Variants in RNLS observed in about 807,000 individuals in gnomAD.
RNLS encodes renalase.
A neutral mutation model predicts 39.8 loss-of-function variants in RNLS; 39 were observed. The ratio of observed to expected loss-of-function variants is 0.98; its 90% CI spans 0.76 to 1.28. The LOEUF (loss-of-function observed/expected upper bound fraction) is 1.28, where lower values mean the gene tolerates loss of function less well. Among genes scored for constraint, RNLS ranks in the 50% most tolerant of loss-of-function variants. RNLS has a pLI of 0.00. For synonymous variants in RNLS, 147 were observed against 150.7 expected, an observed-to-expected ratio of 0.98 and a Z score of 0.18; for missense variants, 410 against 413.3, an observed-to-expected ratio of 0.99 and a Z score of 0.07.
At chr10:88,482,395 C>T (rs1844239172) in intron 4 of RNLS, among the ~76,000 whole-genome samples, 1 of 152,130 alleles carries the variant, frequency 6.6e-6, no homozygotes, top group Admixed American at 6.6e-5. Context: ...CTCAAGTTAA[C>T]TGATTCTCTC....
At chr10:88,504,827 T>TAG (rs542424482) in intron 4 of RNLS, among the ~76,000 whole-genome samples, 5 of 138,448 alleles carry the variant, frequency 3.6e-5, no homozygotes, top group Non-Finnish European at 7.7e-5. Flanking sequence ...TGGAGCAAAT[T>TAG]AGAGAGAGAG....
At chr10:88,434,483 T>C (rs1028591018) in intron 4 of RNLS, among the ~76,000 whole-genome samples, 3 of 152,176 alleles carry the variant, frequency 2.0e-5, no homozygotes, top group Non-Finnish European at 4.4e-5. Flanking sequence ...TGTTAATTAT[T>C]TGATGCATGT....
intron 4 of RNLS, among the ~76,000 whole-genome samples, chr10:88,535,082 A>G (rs546353573): frequency 4.4e-4 from 67 of 152,298 alleles, no homozygotes; most frequent in Non-Finnish European, 9.0e-4. Flanking sequence ...AAAAGTTTTG[A>G]TCAATTGGGG....
chr10:88,182,874 G>T, the RNLS span, among the ~76,000 whole-genome samples: 1 of 152,070 alleles, frequency 6.6e-6, no homozygotes, highest in African/African-American at 2.4e-5. Context: ...TTGTGGAAAG[G>T]CAACCTAGTA....
At chr10:88,500,444 GT>G (rs1845410304) in intron 4 of RNLS, among the ~76,000 whole-genome samples, 1 of 152,142 alleles carries the variant, frequency 6.6e-6, no homozygotes, top group South Asian at 2.1e-4. Flanking sequence ...ATTGGAGTCA[GT>G]TCTGGACTCT....
At chr10:88,291,103 G>A (rs1843642030) in intron 6 of RNLS, among the ~76,000 whole-genome samples, 1 of 152,154 alleles carries the variant, frequency 6.6e-6, no homozygotes, top group African/African-American at 2.4e-5. Flanking sequence ...GCATCTTATA[G>A]TTGAAGAAAT....
intron 4 of RNLS, among the ~76,000 whole-genome samples, chr10:88,426,264 C>A (rs1306843597): frequency 6.6e-6 from 1 of 151,978 alleles, no homozygotes; most frequent in East Asian, 1.9e-4. Flanking sequence ...GCACATTTGG[C>A]AGTTCACCAA....
At chr10:88,516,326 A>G (rs1285691844) in intron 4 of RNLS, among the ~76,000 whole-genome samples, 2 of 152,070 alleles carry the variant, frequency 1.3e-5, no homozygotes, top group Non-Finnish European at 2.9e-5. Flanking sequence ...AACTGAGGAA[A>G]AAATTATAAT....
chr10:88,259,710 A>G, the RNLS span, among the ~76,000 whole-genome samples: 2 of 152,148 alleles, frequency 1.3e-5, no homozygotes, highest in Admixed American at 1.3e-4. Context: ...ATAAAACTTA[A>G]ATAGGATTCA....
intron 4 of RNLS, among the ~76,000 whole-genome samples, chr10:88,560,259 A>C (rs1469501664): frequency 6.6e-6 from 1 of 152,174 alleles, no homozygotes; most frequent in Non-Finnish European, 1.5e-5. Context: ...CTTGCCTTCC[A>C]GGCATTAAAA....
the RNLS span, among the ~76,000 whole-genome samples, chr10:88,244,136 G>A: frequency 6.6e-6 from 1 of 152,170 alleles, no homozygotes; most frequent in Non-Finnish European, 1.5e-5. Flanking sequence ...TGGGGGTGGG[G>A]GTTCCTGGGC....
At chr10:88,549,622 G>A (rs1217895059) in intron 4 of RNLS, among the ~76,000 whole-genome samples, 3 of 152,066 alleles carry the variant, frequency 2.0e-5, no homozygotes, top group African/African-American at 7.2e-5. Context: ...CGGTAAAAAA[G>A]CAGTGTCAGG....
the RNLS span, among the ~76,000 whole-genome samples, chr10:88,231,964 G>A: frequency 6.6e-6 from 1 of 152,128 alleles, no homozygotes; most frequent in African/African-American, 2.4e-5. Flanking sequence ...GTGTGTGTGT[G>A]TGTGTGTCTG....
chr10:88,381,481 G>A (rs1270081000), intron 4 of RNLS, among the ~76,000 whole-genome samples: 2 of 148,986 alleles, frequency 1.3e-5, no homozygotes, highest in Non-Finnish European at 3.0e-5. Flanking sequence ...ATTTGTATGT[G>A]TATTTATATA....
chr10:88,211,721 G>A, the RNLS span, among the ~76,000 whole-genome samples: 3 of 152,200 alleles, frequency 2.0e-5, no homozygotes, highest in Non-Finnish European at 4.4e-5. Context: ...GGGAGTAGAG[G>A]AAGAAAACAG....
At chr10:88,407,236 T>G (rs1853335650) in intron 4 of RNLS, among the ~76,000 whole-genome samples, 1 of 152,024 alleles carries the variant, frequency 6.6e-6, no homozygotes, top group African/African-American at 2.4e-5. Context: ...AAACTCCGTG[T>G]GCATGTGGAA....
At chr10:88,447,899 A>C (rs914030716) in intron 4 of RNLS, among the ~76,000 whole-genome samples, 15 of 152,278 alleles carry the variant, frequency 9.9e-5, no homozygotes, top group African/African-American at 3.1e-4. Flanking sequence ...CAAAAACAAG[A>C]AATGGGGAAA....
rs796932825 is a variant in RNLS, at chr10:88,314,948, TTC to T, written c.701-309_701-308del. On this transcript the variant is annotated intron_variant, in intron 5 of 6. Transcript: ENST00000331772. ...GGATATAATTATATTTAGGTTTGTCTTCTCTCATTCACAAAATTGCTAGCTCT... is the reference window on the plus strand; with the variant it reads ...GGATATAATTATATTTAGGTTTGTCTTCTCATTCACAAAATTGCTAGCTCT... Among the ~76,000 whole-genome samples, 38 of 152,316 alleles carry T rather than the reference TTC, an allele frequency of 2.5e-4. 1 individual carries two copies. The highest frequency in any genetic ancestry group is 8.7e-4 in the African/African-American group (36 of 41,588).
At chr10:88,549,069 G>C (rs529547013) in intron 4 of RNLS, among the ~76,000 whole-genome samples, 2 of 152,032 alleles carry the variant, frequency 1.3e-5, no homozygotes, top group African/African-American at 4.8e-5. Context: ...ATGCCTCAAG[G>C]ACTATTGGGT....
Sources: gnomAD v4.1 joint callset for allele counts (sites outside exome capture counted in the v4.1 genomes callset) on GRCh38, gnomAD v4.1.1 for gene constraint, MANE v1.5 for transcripts, NCBI Gene and HGNC (gene_info 2026-07-23, HGNC 2026-07-21) for gene names.